The following VPS13A variants were observed in gnomAD, a reference collection of about 807,000 sequenced individuals.
The protein encoded by VPS13A is intermembrane lipid transfer protein VPS13A.
Under a neutral mutation model 390.9 loss-of-function variants are expected in VPS13A, and 264 were observed. The ratio of observed to expected loss-of-function variants is 0.68; its 90% confidence interval spans 0.61 to 0.75. The LOEUF is 0.75. VPS13A is among the 30% of genes least tolerant of loss of function. VPS13A has a pLI of 0.00. For missense variants in VPS13A, 3,409 were observed against 3,733.9 expected (o/e 0.91, Z 2.27); for synonymous variants, 1,231 against 1,227.1 (o/e 1.00, Z -0.07).
intron 59 of VPS13A, among the ~76,000 whole-genome samples, chr9:77,362,135 G>A (rs1352095459): frequency 6.6e-6 from 1 of 151,746 alleles, no homozygotes; most frequent in Non-Finnish European, 1.5e-5. Flanking sequence ...TCTTGATGTT[G>A]TCTATTGAAA....
Position 77,232,993 on chromosome 9 carries a change from A to G in VPS13A, c.1595+4729A>G, listed in dbSNP as rs149766164. Among the ~76,000 whole-genome samples, 237 of 152,306 alleles carry G rather than the reference A, an allele frequency of 1.6e-3. 1 individual carries two copies. Among genetic ancestry groups the G allele is most frequent in the African/African-American group, 5.4e-3 (226 of 41,566 alleles). On this transcript the variant is annotated intron_variant, in intron 17 of 71. Coordinates refer to ENST00000360280, the MANE Select transcript of VPS13A (RefSeq NM_033305.3). ...AGGTTATAGTAAGTTTTACTATACT[A>G]AAGTTTATAGTAAAGTTTTACTGAT...
At chr9:77,298,742 C>T (rs570009901) in intron 33 of VPS13A, among the ~76,000 whole-genome samples, 9 of 152,136 alleles carry the variant, frequency 5.9e-5, no homozygotes, top group African/African-American at 2.2e-4. Flanking sequence ...CCCATAATTC[C>T]CACATGTTGT....
intron 26 of VPS13A, 195 bp from the exon 27 acceptor site, chr9:77,279,964 G>T (rs1057407932): frequency 2.2e-6 from 1 of 446,576 alleles, no homozygotes. Flanking sequence ...GAGGAGGTAA[G>T]GGAATTGTGA....
chr9:77,287,370 T>C (rs1827395251), intron 31 of VPS13A, among the ~76,000 whole-genome samples: 1 of 151,614 alleles, frequency 6.6e-6, no homozygotes, highest in Non-Finnish European at 1.5e-5. Flanking sequence ...CCCAGCTGAT[T>C]TTTGTAGAGA....
In VPS13A at chr9:77,316,195, A is replaced by G. The variant is rs750753320; in HGVS notation, c.4652A>G (p.Lys1551Arg). Residue 1551 changes from lysine (K) to arginine (R), a missense_variant, in exon 39 of 72, where the codon AAG becomes AGG. Lys to Arg is a conservative substitution (Grantham distance 26). Around this residue, in one of 5 missense-constraint regions of VPS13A, gnomAD observed 2,717 missense variants for 2,917.4 expected, o/e 0.93. Coordinates refer to ENST00000360280, the MANE Select transcript of VPS13A (RefSeq NM_033305.3). ...TTAGTACCTACACAGGAATCAGTGAAGTGGGAAATTAATGTTATTATTAAA... is the reference window on the plus strand; with the variant it reads ...TTAGTACCTACACAGGAATCAGTGAGGTGGGAAATTAATGTTATTATTAAA... ...KEEVPTQESVKWEINVIIKNP... is the reference protein window; with the variant it reads ...KEEVPTQESVRWEINVIIKNP... 6.2e-7 allele frequency: 1 copy of G among 1,611,530 alleles called. No individual in the cohort carries two copies. The highest frequency in any genetic ancestry group is 1.7e-5 in the Admixed American group (1 of 59,938).
chr9:77,303,060 GA>G lies in VPS13A; in HGVS notation c.3959del (p.Glu1320GlyfsTer9), dbSNP rs1374793673. ...TGTAAATGCTCAGCTGAAACCAATG[GA>G]GGTAACTTTTTTTGGATACTTATCA... ...FNVNAQLKPM[E>X]FILSQEDITT... On this transcript the variant is annotated frameshift_variant and splice_region_variant, in exon 34 of 72. Transcript: ENST00000360280. LOFTEE classifies it high-confidence loss of function. 6.2e-7 allele frequency: 1 copy of G among 1,613,922 alleles called. No homozygotes were observed. The highest frequency in any genetic ancestry group is 1.7e-5 in the Admixed American group (1 of 60,016).
intron 70 of VPS13A, among the ~76,000 whole-genome samples, chr9:77,406,488 G>A (rs545363504): frequency 9.9e-5 from 15 of 152,160 alleles, no homozygotes; most frequent in Non-Finnish European, 1.8e-4. Context: ...GGCGCTCTTG[G>A]ATCACTGCAA....
intron 59 of VPS13A, among the ~76,000 whole-genome samples, chr9:77,363,215 A>G (rs1283248250): frequency 6.6e-6 from 1 of 151,962 alleles, no homozygotes; most frequent in Non-Finnish European, 1.5e-5. Context: ...GTCTTTGAGT[A>G]TGATATTGAC....
chr9:77,234,943 T>C (rs751966734), intron 17 of VPS13A, among the ~76,000 whole-genome samples: 72 of 152,220 alleles, frequency 4.7e-4, no homozygotes, highest in Non-Finnish European at 3.5e-4. Flanking sequence ...TCTACTCTTA[T>C]GCAGCTCCAT....
Position 77,238,032 on chromosome 9 carries a change from T to G in VPS13A, c.1626T>G (p.Ile542Met), listed in dbSNP as rs749087500. 2 of 1,612,946 alleles carry G rather than the reference T, an allele frequency of 1.2e-6. No individual in the cohort carries two copies. The highest frequency in any genetic ancestry group is 3.3e-5 in the Admixed American group (2 of 60,006). Residue 542 changes from isoleucine (I) to methionine (M), a missense_variant, in exon 18 of 72, where the codon ATT becomes ATG. This residue lies in a region of VPS13A where 2,717 missense variants were observed against 2,917.4 expected (regional missense o/e 0.93). Transcript: ENST00000360280. ...KFETKIDSFH[I>M]TGLPDNSEKP... ...AAACTAAAATAGATTCATTTCATAT[T>G]ACTGGCTTACCAGATAATTCAGAAA...
intron 58 of VPS13A, 67 bp downstream of exon 58, chr9:77,359,469 A>G (rs140145911): frequency 2.1e-5 from 28 of 1,344,646 alleles, no homozygotes; most frequent in Non-Finnish European, 2.8e-5. Context: ...AATTGTTTGT[A>G]CTCTTTAAAT....
At chr9:77,213,065 A>G (rs1826059352) in intron 8 of VPS13A, 37 bp downstream of exon 8, 1 of 1,612,190 alleles carries the variant, frequency 6.2e-7, no homozygotes, top group Non-Finnish European at 8.5e-7. Flanking sequence ...CATGGACTTA[A>G]GAGAATTTTG....
At chr9:77,350,035 G>A in intron 52 of VPS13A, among the ~76,000 whole-genome samples, 1 of 152,038 alleles carries the variant, frequency 6.6e-6, no homozygotes, top group South Asian at 2.1e-4. Flanking sequence ...GTAGTATATT[G>A]TCTTCTAATG....
rs767771206 is a variant in VPS13A at position 77,201,380 on chromosome 9, C to T, written c.160C>T (p.Pro54Ser). The change falls in exon 3 of 72, where the codon CCA (proline) becomes TCA (serine). Residue 54 changes from proline to serine, a missense_variant. Around this residue, in one of 5 missense-constraint regions of VPS13A, gnomAD observed 2,717 missense variants for 2,917.4 expected, o/e 0.93. Transcript: ENST00000360280. Reference protein sequence around the residue: ...KENALSQLDVPFKVKVGHIGN... With the variant: ...KENALSQLDVSFKVKVGHIGN... Reference sequence around the variant, plus strand: ...TTTTCTGTAGAGTCAACTGGATGTACCATTTAAAGTTAAAGTTGGTCACAT... The same window carrying T: ...TTTTCTGTAGAGTCAACTGGATGTATCATTTAAAGTTAAAGTTGGTCACAT... 6 of 1,609,536 alleles carry T rather than the reference C, an allele frequency of 3.7e-6. No individual in the cohort carries two copies. Among genetic ancestry groups the T allele is most frequent in the Non-Finnish European group, 5.1e-6 (6 of 1,176,234 alleles).
intron 45 of VPS13A, among the ~76,000 whole-genome samples, chr9:77,325,129 A>G (rs1829941157): frequency 6.6e-6 from 1 of 152,234 alleles, no homozygotes; most frequent in South Asian, 2.1e-4. Flanking sequence ...ACCACAGATC[A>G]TCAGGCATTA....
Position 77,303,018 on chromosome 9 carries a change from G to A in VPS13A, c.3916G>A (p.Glu1306Lys). 6.2e-7 allele frequency: 1 copy of A among 1,614,010 alleles called. No individual in the cohort carries two copies. Among genetic ancestry groups the A allele is most frequent in the Non-Finnish European group, 8.5e-7 (1 of 1,179,966 alleles). ...ERNLCWEWYQ[E>K]VPCFNVNAQL... is the part of the protein sequence containing the mutation. ...AAATTTATGCTGGGAGTGGTACCAG[G>A]AAGTTCCTTGTTTTAATGTAAATGC... is the stretch of plus-strand genomic sequence containing the variant. The change falls in exon 34 of 72, where the codon GAA (glutamate) becomes AAA (lysine). Residue 1306 changes from glutamate (E) to lysine (K), a missense_variant. This residue lies in a region of VPS13A where 2,717 missense variants were observed against 2,917.4 expected (regional missense o/e 0.93). Coordinates refer to ENST00000360280, the MANE Select transcript of VPS13A (RefSeq NM_033305.3).
chr9:77,374,323 G>GA (rs1416884776), intron 67 of VPS13A, among the ~76,000 whole-genome samples: 1 of 152,028 alleles, frequency 6.6e-6, no homozygotes, highest in Non-Finnish European at 1.5e-5. Context: ...AATAAAATAA[G>GA]ACAATTATAA....
At chr9:77,391,824 T>C (rs536816575) in intron 68 of VPS13A, among the ~76,000 whole-genome samples, 126 of 152,228 alleles carry the variant, frequency 8.3e-4, no homozygotes, top group Non-Finnish European at 1.3e-3. Flanking sequence ...TTTTGCTGGC[T>C]TTATTTGGTA....
chr9:77,313,090 A>C (rs1829186753), intron 35 of VPS13A, among the ~76,000 whole-genome samples: 1 of 152,228 alleles, frequency 6.6e-6, no homozygotes, highest in Non-Finnish European at 1.5e-5. Flanking sequence ...ACTAGCTATA[A>C]GAGTGAACTA....
Sources: allele counts gnomAD v4.1 joint callset (sites outside exome capture counted in the v4.1 genomes callset), GRCh38; gene constraint gnomAD v4.1.1; regional missense constraint gnomAD v4.1.1; transcripts MANE v1.5; gene names NCBI Gene and HGNC (gene_info 2026-07-23, HGNC 2026-07-21).